Variants in VSTM1 observed in about 807,000 individuals in gnomAD.
VSTM1 encodes the protein V-set and transmembrane domain containing 1, also known as V-set and transmembrane domain-containing protein 1.
In VSTM1, 27 loss-of-function variants were observed where a neutral mutation model predicts 33.1. The observed-to-expected ratio is 0.82, with a 90% CI of 0.60 to 1.12. The LOEUF (loss-of-function observed/expected upper bound fraction) is 1.12. VSTM1 is among the 50% of genes most tolerant of loss of function. The probability of loss-of-function intolerance (pLI) is 0.00; values close to 1 mark genes in which losing one functional copy is unlikely to be tolerated. For missense variants in VSTM1, 304 were observed against 288.9 expected (o/e 1.05, Z -0.38); for synonymous variants, 115 against 110.3 (o/e 1.04, Z -0.27).
At chr19:54,044,846 T>A (rs1041439774) in intron 4 of VSTM1, among the ~76,000 whole-genome samples, 1 of 152,110 alleles carries the variant, frequency 6.6e-6, no homozygotes, top group Non-Finnish European at 1.5e-5. Context: ...GTCCATGCAG[T>A]TCCCCCCCGT....
chr19:54,056,824 T>C (rs2033712), intron 3 of VSTM1, among the ~76,000 whole-genome samples: 39,446 of 138,748 alleles, frequency 0.28, 10,134 homozygotes, highest in Middle Eastern at 0.35. Context: ...GGTTCCCATT[T>C]CCACATTGAA....
intron 4 of VSTM1, among the ~76,000 whole-genome samples, chr19:54,047,027 C>CTCTACTAAAAATAT (rs1169676924): frequency 6.6e-6 from 1 of 152,080 alleles, no homozygotes; most frequent in Admixed American, 6.6e-5. Context: ...GAAACCCCGT[C>CTCTACTAAAAATAT]TCTACTAAAA....
intron 5 of VSTM1, 31 bp from the exon 6 acceptor site, chr19:54,042,227 C>G (rs769470124): frequency 1.9e-6 from 3 of 1,613,926 alleles, no homozygotes; most frequent in Admixed American, 3.3e-5. Context: ...ATTTACCTAC[C>G]GAGAAAATCC....
chr19:54,040,932 C>T lies in VSTM1; in HGVS notation c.*29G>A, dbSNP rs764331228. 1.9e-5 allele frequency: 31 copies of T among 1,604,048 alleles called. No individual in the cohort carries two copies. Among genetic ancestry groups the T allele is most frequent in the Non-Finnish European group, 2.6e-5 (30 of 1,175,720 alleles). ...ATAACCTTGGCCAGCACGATCCCCC[C>T]TCCTTTAGTGGCCAGGGCTGTCTTC... On this transcript the variant is annotated 3_prime_UTR_variant, in exon 9 of 9. Coordinates refer to ENST00000338372, the MANE Select transcript of VSTM1 (RefSeq NM_198481.4).
intron 4 of VSTM1, among the ~76,000 whole-genome samples, chr19:54,042,831 T>TAC (rs2070381453): frequency 6.7e-5 from 5 of 74,078 alleles, no homozygotes; most frequent in African/African-American, 2.5e-4. Flanking sequence ...TATATATATA[T>TAC]ATATATACAT....
intron 1 of VSTM1, among the ~76,000 whole-genome samples, chr19:54,063,073 C>T (rs1301660597): frequency 6.6e-6 from 1 of 152,108 alleles, no homozygotes; most frequent in Non-Finnish European, 1.5e-5. Flanking sequence ...TGTGGTGGCT[C>T]ACGCCTGTAA....
chr19:54,062,064 G>A (rs1368801526), intron 1 of VSTM1, among the ~76,000 whole-genome samples: 4 of 150,720 alleles, frequency 2.7e-5, no homozygotes, highest in African/African-American at 9.7e-5. Context: ...GCTAAGGCAG[G>A]AGAATTGATT....
chr19:54,054,999 TGATA>T lies in VSTM1; in HGVS notation c.355+3303_355+3306del, dbSNP rs1485472441. On this transcript the variant is annotated intron_variant, in intron 3 of 8. Transcript: ENST00000338372. ...TGGGTTGATAGATGGGTGGGTAGAT[TGATA>T]GATGGATGGGTGAGTAGATAAATGG... Among the ~76,000 whole-genome samples, 3 of 139,352 alleles carry T rather than the reference TGATA, an allele frequency of 2.2e-5. 1 individual carries two copies. Among genetic ancestry groups the T allele is most frequent in the East Asian group, 2.0e-4 (1 of 4,928 alleles). The allele number at this position is 139,352 out of a possible 152,430, so 91.4% of individuals were successfully genotyped here. A position where few individuals can be genotyped will look rare whatever the true frequency, so the allele number is the denominator to read the frequency against.
In VSTM1 at chr19:54,041,028, G is replaced by A. The variant is rs773474128; in HGVS notation, c.644C>T (p.Ser215Phe). 10 of 1,608,792 alleles carry A rather than the reference G, an allele frequency of 6.2e-6. 1 individual carries two copies. In the South Asian group the frequency reaches 1.1e-4, roughly 18 times the overall value. Residue 215 changes from serine (S) to phenylalanine (F), a missense_variant, in exon 9 of 9, where the codon TCT (serine) becomes TTT (phenylalanine). Transcript: ENST00000338372. Reference protein sequence around the residue: ...TYAELSTSALSEAASDTTQEP... With the variant: ...TYAELSTSALFEAASDTTQEP... ...CTGGGTGGTGTCTGAAGCTGCCTCAGACAGGGCGCTGGTGCTTAGCTCAGC... is the reference window on the plus strand; with the variant it reads ...CTGGGTGGTGTCTGAAGCTGCCTCAAACAGGGCGCTGGTGCTTAGCTCAGC...
chr19:54,059,488 G>A (rs2071279658), intron 1 of VSTM1, among the ~76,000 whole-genome samples: 1 of 151,878 alleles, frequency 6.6e-6, no homozygotes, highest in South Asian at 2.1e-4. Context: ...TTTGTTTTGA[G>A]ACAGAGTCTC....
chr19:54,040,880 C>G lies in VSTM1; in HGVS notation c.*81G>C. 6.6e-7 allele frequency: 1 copy of G among 1,526,002 alleles called. No individual in the cohort carries two copies. Among genetic ancestry groups the G allele is most frequent in the Non-Finnish European group, 8.8e-7 (1 of 1,135,696 alleles). The allele number at this position is 1,526,002 out of a possible 1,614,324, so 94.5% of individuals were successfully genotyped here. ...TTGATATGGACGAAGAGCAAGGAAA[C>G]ACAGTATCTGCATCTCCAGATTTCC... On this transcript the variant is annotated 3_prime_UTR_variant, in exon 9 of 9. Transcript: ENST00000338372.
intron 1 of VSTM1, among the ~76,000 whole-genome samples, chr19:54,060,967 A>G (rs2071362631): frequency 6.6e-6 from 1 of 150,842 alleles, no homozygotes; most frequent in Non-Finnish European, 1.5e-5. Context: ...CTGGGATTAC[A>G]GGTGTGAGCT....
chr19:54,044,908 T>C (rs1406392586), intron 4 of VSTM1, among the ~76,000 whole-genome samples: 1 of 152,268 alleles, frequency 6.6e-6, no homozygotes, highest in Non-Finnish European at 1.5e-5. Flanking sequence ...CGTGAGACTT[T>C]AAGGAGTAAG....
chr19:54,041,803 G>A lies in VSTM1; in HGVS notation c.567C>T (p.Ser189=). ...PEQEAAEADL[S]NMERVSLSTA... ...CCGAGAGAGATACCCTTTCCATATT[G>A]GATAAATCTGCCTCTGAGTGAGAAA... Residue 189 remains serine, a synonymous_variant, in exon 8 of 9, where the codon TCC becomes TCT. Coordinates refer to ENST00000338372, the MANE Select transcript of VSTM1 (RefSeq NM_198481.4). The A allele has an allele frequency of 6.2e-7, 1 of 1,613,630 alleles. No individual in the cohort carries two copies. The highest frequency in any genetic ancestry group is 8.5e-7 in the Non-Finnish European group (1 of 1,179,936).
chr19:54,058,612 T>C, intron 2 of VSTM1, 22 bp from the exon 3 acceptor site: 2 of 1,613,078 alleles, frequency 1.2e-6, no homozygotes, highest in Non-Finnish European at 1.7e-6. Flanking sequence ...TCAGAGTTAA[T>C]TTGAGTCTAG....
intron 4 of VSTM1, among the ~76,000 whole-genome samples, chr19:54,049,991 ATTTTTTTTTT>A (rs11297678): frequency 2.0e-5 from 2 of 99,102 alleles, no homozygotes; most frequent in South Asian, 6.2e-4. Context: ...TAACTTTTTA[ATTTTTTTTTT>A]TTTTTTTTTT....
chr19:54,061,033 T>C (rs1214202974), intron 1 of VSTM1, among the ~76,000 whole-genome samples: 3 of 148,318 alleles, frequency 2.0e-5, no homozygotes, highest in Non-Finnish European at 4.5e-5. Flanking sequence ...TTTTTTTTTT[T>C]TTGACATGGA....
chr19:54,056,699 G>A (rs551564885), intron 3 of VSTM1, among the ~76,000 whole-genome samples: 2 of 140,096 alleles, frequency 1.4e-5, no homozygotes, highest in African/African-American at 2.6e-5. Context: ...CACTTGGTCT[G>A]TCAGTCTTAC....
At position 54,042,806 on chromosome 19, in the gene VSTM1, GTATATATA is replaced by G. The variant is rs1203522841; in HGVS notation, c.395-445_395-438del. On this transcript the variant is annotated intron_variant, in intron 4 of 8. Transcript: ENST00000338372. ...TATATGTGTGTGTATATATAAATGTGTATATATATATATATATATATATATATATATAC... is the reference window on the plus strand; with the variant it reads ...TATATGTGTGTGTATATATAAATGTGTATATATATATATATATATATATAC... Among the ~76,000 whole-genome samples, 132 of 57,950 alleles carry G rather than the reference GTATATATA, an allele frequency of 2.3e-3. 1 individual carries two copies. Among genetic ancestry groups the G allele is most frequent in the African/African-American group, 2.9e-3 (42 of 14,704 alleles). The allele number at this position is 57,950 out of a possible 152,430, so 38.0% of individuals were successfully genotyped here.
Sources: allele counts gnomAD v4.1 joint callset (sites outside exome capture counted in the v4.1 genomes callset), GRCh38; gene constraint gnomAD v4.1.1; transcripts MANE v1.5; gene names NCBI Gene and HGNC (gene_info 2026-07-23, HGNC 2026-07-21).